SYNE1: variants seen among roughly 807,000 people sequenced by gnomAD.
The protein encoded by SYNE1 is spectrin repeat containing nuclear envelope protein 1.
Under a neutral mutation model 1,111.0 loss-of-function variants are expected in SYNE1, and 616 were observed. The ratio of observed to expected loss-of-function variants is 0.55; its 90% CI spans 0.52 to 0.59. The LOEUF (loss-of-function observed/expected upper bound fraction) is 0.59. SYNE1 is among the 20% of genes least tolerant of loss of function. The pLI, the probability that SYNE1 is intolerant of heterozygous loss-of-function variation, is 0.00. For missense variants in SYNE1, 10,006 were observed against 10,417.0 expected (o/e 0.96, Z 1.72); for synonymous variants, 3,855 against 3,825.8 (o/e 1.01, Z -0.28).
chr6:152,129,838 A>G (rs1368178647), intron 145 of SYNE1, among the ~76,000 whole-genome samples: 1 of 152,144 alleles, frequency 6.6e-6, no homozygotes, highest in Non-Finnish European at 1.5e-5. Context: ...TTCCAGAGGG[A>G]CAAGCTACTT....
At chr6:152,542,073 C>T (rs760347043) in intron 3 of SYNE1, among the ~76,000 whole-genome samples, 5 of 152,124 alleles carry the variant, frequency 3.3e-5, no homozygotes, top group Non-Finnish European at 7.4e-5. Context: ...CTAGTAAACG[C>T]TATGTTGTGG....
intron 3 of SYNE1, among the ~76,000 whole-genome samples, chr6:152,556,303 G>C (rs1470485559): frequency 6.6e-6 from 1 of 152,172 alleles, no homozygotes; most frequent in African/African-American, 2.4e-5. Context: ...TCCCAAGCCT[G>C]TACTGCATAC....
intron 115 of SYNE1, among the ~76,000 whole-genome samples, chr6:152,228,745 AC>A (rs778585990): frequency 3.9e-5 from 6 of 152,166 alleles, no homozygotes; most frequent in Non-Finnish European, 8.8e-5. Context: ...AAAAGTTATG[AC>A]ATTTTGTCCT....
In SYNE1 at chr6:152,218,261, A is replaced by C. The variant is rs1481730370; in HGVS notation, c.22187T>G (p.Leu7396Arg). The C allele has an allele frequency of 6.2e-7, 1 of 1,613,964 alleles. No homozygotes were observed. Among genetic ancestry groups the C allele is most frequent in the African/African-American group, 1.3e-5 (1 of 74,904 alleles). ...CTCAGATTTGAACACACTTACCTTA[A>C]GTTCTTCCATCCTTTCCTGGATTGT... ...LSTIQERMEE[L>R]KGQMLKFSSM... Residue 7396 changes from leucine to arginine, a missense_variant, in exon 121 of 146, where the codon CTT becomes CGT. Physicochemically the swap from Leu to Arg is moderately radical, Grantham distance 102. Transcript: ENST00000367255.
At chr6:152,385,568 A>C in intron 55 of SYNE1, 106 bp downstream of exon 55, 1 of 1,339,196 alleles carries the variant, frequency 7.5e-7, no homozygotes, top group African/African-American at 1.5e-5. Flanking sequence ...AATAGAAAAC[A>C]GGAAGGAAAC....
chr6:152,533,951 G>T (rs2099218992), intron 4 of SYNE1, among the ~76,000 whole-genome samples: 1 of 152,048 alleles, frequency 6.6e-6, no homozygotes, highest in Non-Finnish European at 1.5e-5. Context: ...TTGAGGTCAG[G>T]AGTTCAGGAC....
At chr6:152,226,008 A>G in intron 115 of SYNE1, 132 bp from the exon 116 acceptor site, 1 of 865,270 alleles carries the variant, frequency 1.2e-6, no homozygotes, top group Non-Finnish European at 1.8e-6. Flanking sequence ...CTTTCAGAAG[A>G]GGCACGCTGC....
At chr6:152,313,733 A>G in intron 87 of SYNE1, among the ~76,000 whole-genome samples, 1 of 152,082 alleles carries the variant, frequency 6.6e-6, no homozygotes, top group Non-Finnish European at 1.5e-5. Flanking sequence ...CAAAGAACAC[A>G]ATGGCTTTTC....
At chr6:152,157,234 T>A (rs376746207) in intron 131 of SYNE1, among the ~76,000 whole-genome samples, 2 of 152,350 alleles carry the variant, frequency 1.3e-5, no homozygotes, top group African/African-American at 4.8e-5. Context: ...CACAATGGAA[T>A]ATTATTCGGT....
chr6:152,190,090 C>T (rs1307275191), intron 127 of SYNE1, among the ~76,000 whole-genome samples: 2 of 152,112 alleles, frequency 1.3e-5, no homozygotes, highest in South Asian at 4.1e-4. Context: ...GAATTTTTAC[C>T]AGAAGTAGAT....
chr6:152,428,433 C>A (rs909469088), intron 36 of SYNE1, 41 bp from the exon 37 acceptor site: 2 of 1,606,434 alleles, frequency 1.2e-6, no homozygotes, highest in Non-Finnish European at 1.7e-6. Flanking sequence ...AGCACAGGAG[C>A]CAACGAGGCC....
intron 3 of SYNE1, among the ~76,000 whole-genome samples, chr6:152,625,170 A>T (rs542791920): frequency 6.6e-6 from 1 of 152,328 alleles, no homozygotes; most frequent in Admixed American, 6.5e-5. Context: ...GGGCAATAAT[A>T]CCAGCCCTCC....
At chr6:152,329,458 C>T (rs576367191) in intron 78 of SYNE1, among the ~76,000 whole-genome samples, 4 of 152,214 alleles carry the variant, frequency 2.6e-5, no homozygotes, top group African/African-American at 7.2e-5. Flanking sequence ...ACCCAGGAGG[C>T]GGAGGTTGCA....
chr6:152,180,125 G>A lies in SYNE1; in HGVS notation c.23460+11C>T. 6.2e-7 allele frequency: 1 copy of A among 1,613,952 alleles called. No homozygotes were observed. Among genetic ancestry groups the A allele is most frequent in the African/African-American group, 1.3e-5 (1 of 75,046 alleles). On this transcript the variant is annotated intron_variant, in intron 129 of 145. Transcript: ENST00000367255. ...GAAGAATGAAAACCTAAGTAGCCAT[G>A]CATTCCATACCTTCTTGAGCTTCTC...
In SYNE1 at chr6:152,156,008, A is replaced by T; in HGVS notation, c.23880T>A (p.Cys7960Ter). ...TAGAGTCACACTCGGCATCAGTGGC[A>T]CAGGCGTCACAGTCGTGCAGCAGGA... ...CEVLLHDCDA[C>*]ATDAECDSIQ... Residue 7960 changes from cysteine to a stop codon, truncating the protein, a stop_gained, in exon 132 of 146, where the codon TGT becomes TGA. Transcript: ENST00000367255. LOFTEE classifies it high-confidence loss of function. 1 of 1,614,196 alleles carries T rather than the reference A, an allele frequency of 6.2e-7. No individual in the cohort carries two copies. The highest frequency in any genetic ancestry group is 8.5e-7 in the Non-Finnish European group (1 of 1,180,032).
intron 2 of SYNE1, among the ~76,000 whole-genome samples, chr6:152,632,302 T>C (rs1455361979): frequency 6.6e-6 from 1 of 152,188 alleles, no homozygotes; most frequent in Non-Finnish European, 1.5e-5. Context: ...CCTCTTCCTC[T>C]TCAATGCAAA....
At chr6:152,486,205 A>T (rs1425943051) in intron 12 of SYNE1, among the ~76,000 whole-genome samples, 2 of 140,550 alleles carry the variant, frequency 1.4e-5, no homozygotes, top group African/African-American at 5.0e-5. Context: ...GACTAAAAAA[A>T]ATATTAAAAA....
At position 152,224,538 on chromosome 6, in the gene SYNE1, TCAG is replaced by T; in HGVS notation, c.21475_21477del (p.Leu7159del). 1 of 1,614,072 alleles carries T rather than the reference TCAG, an allele frequency of 6.2e-7. No homozygotes were observed. The highest frequency in any genetic ancestry group is 8.5e-7 in the Non-Finnish European group (1 of 1,179,966). ...ACTTGCACAGCTTCTAAGGAGCCAG[TCAG>T]CAGACGGAATCGGGAAAGAGAGTAT... On this transcript the variant is annotated inframe_deletion, in exon 117 of 146. Transcript: ENST00000367255.
At chr6:152,410,873 T>C (rs764396659) in intron 42 of SYNE1, among the ~76,000 whole-genome samples, 3 of 152,144 alleles carry the variant, frequency 2.0e-5, no homozygotes, top group Non-Finnish European at 4.4e-5. Flanking sequence ...GGAGAAAATA[T>C]AGAAATAACC....
Sources: allele counts gnomAD v4.1 joint callset (sites outside exome capture counted in the v4.1 genomes callset), GRCh38; gene constraint gnomAD v4.1.1; transcripts MANE v1.5; gene names NCBI Gene and HGNC (gene_info 2026-07-23, HGNC 2026-07-21).